ATXN1: variants seen among roughly 807,000 people sequenced by gnomAD.
The protein encoded by ATXN1 is ataxin 1.
ATXN1 carries 8 observed loss-of-function variants against 56.4 expected under a neutral mutation model. The observed-to-expected ratio is 0.14, with a 90% CI of 0.08 to 0.26. The LOEUF (loss-of-function observed/expected upper bound fraction) is 0.26, where lower values mean the gene tolerates loss of function less well. Among genes scored for constraint, ATXN1 ranks in the 10% least tolerant of loss-of-function variants. ATXN1 has a pLI of 1.00. For synonymous variants in ATXN1, 514 were observed against 494.6 expected, an observed-to-expected ratio of 1.04 and a Z score of -0.52; for missense variants, 987 against 1,106.5, an observed-to-expected ratio of 0.89 and a Z score of 1.53.
At chr6:16,444,765 A>G (rs1280828172) in intron 6 of ATXN1, among the ~76,000 whole-genome samples, 2 of 152,218 alleles carry the variant, frequency 1.3e-5, no homozygotes, top group Non-Finnish European at 2.9e-5. Context: ...ATCCCTGATA[A>G]ATTTATGAAT....
rs192095366 is a variant in ATXN1, at chr6:16,551,766, T to C, written c.-360-29078A>G. Among the ~76,000 whole-genome samples, 330 of 152,338 alleles carry C rather than the reference T, an allele frequency of 2.2e-3. 5 individuals are homozygous for C. The highest frequency in any genetic ancestry group is 3.9e-3 in the South Asian group (19 of 4,826). On this transcript the variant is annotated intron_variant, in intron 4 of 7. Coordinates refer to ENST00000436367, the MANE Select transcript of ATXN1 (RefSeq NM_001128164.2). ...CCTGCTGCACGTCTCTACACAGCTA[T>C]CCTGCTGTGGCGCTTCCAGCTGGGC...
rs569787001 is a variant in ATXN1 at position 16,470,635 on chromosome 6, T to C, written c.-161+15337A>G. Among the ~76,000 whole-genome samples the C allele has an allele frequency of 2.7e-4, 41 of 152,296 alleles. No individual in the cohort carries two copies. In the South Asian group the frequency reaches 6.2e-3, roughly 23 times the overall value. On this transcript the variant is annotated intron_variant, in intron 6 of 7. Coordinates refer to ENST00000436367, the MANE Select transcript of ATXN1 (RefSeq NM_001128164.2). ...GAATGGGTAGTTTAGACTGATTAGG[T>C]AGACAGCTGCTTGCTTCCTAATCTG...
intron 6 of ATXN1, among the ~76,000 whole-genome samples, chr6:16,442,432 T>C (rs529379819): frequency 1.3e-5 from 2 of 152,038 alleles, no homozygotes; most frequent in East Asian, 3.9e-4. Context: ...ATATTACATA[T>C]AGCCAGAACG....
chr6:16,732,407 C>T (rs1292535206), intron 2 of ATXN1, among the ~76,000 whole-genome samples: 1 of 152,120 alleles, frequency 6.6e-6, no homozygotes, highest in Non-Finnish European at 1.5e-5. Context: ...CCCGTCTCTA[C>T]TGAAAATACA....
At chr6:16,505,450 T>C (rs544194502) in intron 5 of ATXN1, among the ~76,000 whole-genome samples, 1 of 152,076 alleles carries the variant, frequency 6.6e-6, no homozygotes, top group Non-Finnish European at 1.5e-5. Context: ...AAAAAGTTAA[T>C]AAGGGAAAGA....
intron 2 of ATXN1, among the ~76,000 whole-genome samples, chr6:16,703,506 A>G (rs1038624767): frequency 2.6e-5 from 4 of 152,182 alleles, no homozygotes; most frequent in African/African-American, 7.2e-5. Flanking sequence ...TTATAACTCT[A>G]TATTTCTCTT....
rs1761054811 is a variant in ATXN1 at position 16,760,549 on chromosome 6, C to T, written c.-730+749G>A. On this transcript the variant is annotated intron_variant, in intron 1 of 7. Transcript: ENST00000436367. This position sits in a 1 kb window ranked among gnomAD's most constrained non-coding sequence, Gnocchi z 5.3. ...ACACCCGCTACCCCCGCGCGGTCCCCGAGGCCACCCCTCTGCGCCCCCCGC... is the reference window on the plus strand; with the variant it reads ...ACACCCGCTACCCCCGCGCGGTCCCTGAGGCCACCCCTCTGCGCCCCCCGC... Among the ~76,000 whole-genome samples, 2 of 151,210 alleles carry T rather than the reference C, an allele frequency of 1.3e-5. No individual in the cohort carries two copies. Among genetic ancestry groups the T allele is most frequent in the African/African-American group, 4.8e-5 (2 of 41,262 alleles).
chr6:16,410,478 T>C lies in ATXN1; in HGVS notation c.-161+75494A>G, dbSNP rs190100317. On this transcript the variant is annotated intron_variant, in intron 6 of 7. Coordinates refer to ENST00000436367, the MANE Select transcript of ATXN1 (RefSeq NM_001128164.2). The surrounding 1 kb of genome is among the most constrained non-coding windows in gnomAD (Gnocchi z 4.6). ...TTTCTGACGAATACCTCAGAGGCTA[T>C]GTTGGGCTTTTTCTGATGTAGCGAT... Among the ~76,000 whole-genome samples, 2 of 152,344 alleles carry C rather than the reference T, an allele frequency of 1.3e-5. No individual in the cohort carries two copies. The highest frequency in any genetic ancestry group is 1.3e-4 in the Admixed American group (2 of 15,302).
chr6:16,522,352 T>C (rs1318005141), intron 5 of ATXN1, among the ~76,000 whole-genome samples: 2 of 152,118 alleles, frequency 1.3e-5, no homozygotes, highest in African/African-American at 4.8e-5. Flanking sequence ...TTCCTTTCTG[T>C]GAGCTGGACA....
At chr6:16,411,978 C>T (rs1304793583) in intron 6 of ATXN1, among the ~76,000 whole-genome samples, 1 of 152,186 alleles carries the variant, frequency 6.6e-6, no homozygotes, top group African/African-American at 2.4e-5. Flanking sequence ...CTCGCACTAT[C>T]TTGCTTAGGG....
In ATXN1 at chr6:16,611,307, A is replaced by G; in HGVS notation, c.-488-25400T>C. 1.3e-5 allele frequency among the ~76,000 whole-genome samples: 2 copies of G among 152,208 alleles called. 1 individual carries two copies. Among genetic ancestry groups the G allele is most frequent in the East Asian group, 3.8e-4 (2 of 5,202 alleles). Reference sequence around the variant, plus strand: ...TTGCTCATACAGAAATATAGGTCATATTTAGTCAAATTTAAGAAGACAACT... The same window carrying G: ...TTGCTCATACAGAAATATAGGTCATGTTTAGTCAAATTTAAGAAGACAACT... On this transcript the variant is annotated intron_variant, in intron 3 of 7. Coordinates refer to ENST00000436367, the MANE Select transcript of ATXN1 (RefSeq NM_001128164.2).
At chr6:16,737,075 C>T (rs551704114) in intron 2 of ATXN1, 9 of 152,118 alleles carry the variant, frequency 5.9e-5, no homozygotes, top group Admixed American at 1.3e-4. Flanking sequence ...CAATGAATTA[C>T]GCATAGACAC....
chr6:16,410,077 T>C lies in ATXN1; in HGVS notation c.-161+75895A>G, dbSNP rs1758767038. 6.6e-6 allele frequency among the ~76,000 whole-genome samples: 1 copy of C among 152,140 alleles called. No homozygotes were observed. The highest frequency in any genetic ancestry group is 2.1e-4 in the South Asian group (1 of 4,828). On this transcript the variant is annotated intron_variant, in intron 6 of 7. Transcript: ENST00000436367. The surrounding 1 kb of genome is among the most constrained non-coding windows in gnomAD (Gnocchi z 4.6). ...ATGGAGAGCATGAGCTGAACGACCG[T>C]CGTGATAGGCTTGGCAGAGGATGAA... is the stretch of plus-strand genomic sequence containing the variant.
chr6:16,660,610 T>C (rs1189531841), intron 2 of ATXN1, among the ~76,000 whole-genome samples: 1 of 152,196 alleles, frequency 6.6e-6, no homozygotes, highest in African/African-American at 2.4e-5. Context: ...TATTAAATGT[T>C]TGCCATAATT....
intron 6 of ATXN1, among the ~76,000 whole-genome samples, chr6:16,365,717 A>G (rs1761903416): frequency 6.6e-6 from 1 of 152,256 alleles, no homozygotes; most frequent in South Asian, 2.1e-4. Flanking sequence ...AACTGTTTAC[A>G]AGCAGTGTTT....
At chr6:16,349,452 G>C (rs570259574) in intron 6 of ATXN1, among the ~76,000 whole-genome samples, 1 of 151,860 alleles carries the variant, frequency 6.6e-6, no homozygotes, top group Admixed American at 6.6e-5. Flanking sequence ...GCAGTGAGCT[G>C]AGATCATGCC....
At chr6:16,624,675 C>G (rs1283961675) in intron 3 of ATXN1, among the ~76,000 whole-genome samples, 2 of 152,064 alleles carry the variant, frequency 1.3e-5, no homozygotes, top group Non-Finnish European at 2.9e-5. Flanking sequence ...AATGCTATAA[C>G]AGCACATACT....
chr6:16,640,576 G>A (rs554490230), intron 3 of ATXN1, among the ~76,000 whole-genome samples: 9 of 151,540 alleles, frequency 5.9e-5, no homozygotes, highest in Non-Finnish European at 1.2e-4. Context: ...TCAGCTATTC[G>A]GGAGGCTGAG....
At chr6:16,567,701 C>T (rs1244312233) in intron 4 of ATXN1, among the ~76,000 whole-genome samples, 2 of 151,948 alleles carry the variant, frequency 1.3e-5, no homozygotes, top group East Asian at 1.9e-4. Context: ...AGGCATATCT[C>T]CAGGACCAGT....
Sources: allele counts gnomAD v4.1 joint callset (sites outside exome capture counted in the v4.1 genomes callset), GRCh38; gene constraint gnomAD v4.1.1; non-coding constraint Gnocchi (gnomAD v3.1); transcripts MANE v1.5; gene names NCBI Gene and HGNC (gene_info 2026-07-23, HGNC 2026-07-21).